ROR1: variants seen among roughly 807,000 people sequenced by gnomAD.
The protein encoded by ROR1 is ROR family WNT receptor 1, also known as inactive tyrosine-protein kinase transmembrane receptor ROR1.
Under a neutral mutation model 78.8 loss-of-function variants are expected in ROR1, and 19 were observed. The ratio of observed to expected loss-of-function variants is 0.24; its 90% CI spans 0.17 to 0.35. The LOEUF is 0.35. ROR1 is among the 10% of genes least tolerant of loss of function. The pLI is 1.00. For synonymous variants in ROR1, 386 were observed against 433.6 expected (o/e 0.89, Z 1.36); for missense variants, 917 against 1,177.8 (o/e 0.78, Z 3.24).
At chr1:64,092,649 T>C (rs1647209494) in intron 4 of ROR1, among the ~76,000 whole-genome samples, 1 of 152,206 alleles carries the variant, frequency 6.6e-6, no homozygotes, top group Non-Finnish European at 1.5e-5. Flanking sequence ...TTAAGCTTTC[T>C]GCTAGAAAAC....
intron 4 of ROR1, chr1:64,112,072 A>T (rs192478611): frequency 3.3e-5 from 5 of 152,274 alleles, no homozygotes; most frequent in Admixed American, 2.0e-4. Context: ...GGTGTCTTAC[A>T]TGAATGGGAG....
chr1:64,135,772 A>G (rs764071494), intron 4 of ROR1, among the ~76,000 whole-genome samples: 2 of 152,216 alleles, frequency 1.3e-5, no homozygotes, highest in Non-Finnish European at 2.9e-5. Context: ...TATATGATAT[A>G]TTCATTTGTA....
At chr1:63,778,779 G>C (rs962118928) in intron 1 of ROR1, among the ~76,000 whole-genome samples, 21 of 152,142 alleles carry the variant, frequency 1.4e-4, no homozygotes, top group Admixed American at 2.0e-4. Flanking sequence ...GTAAACTTAG[G>C]CACAGAGAGG....
intron 4 of ROR1, among the ~76,000 whole-genome samples, chr1:64,054,939 C>A (rs1646862429): frequency 6.6e-6 from 1 of 152,184 alleles, no homozygotes; most frequent in Non-Finnish European, 1.5e-5. Context: ...ATCTCCCCAA[C>A]CTCTGCCTTG....
At chr1:64,066,418 C>T (rs866449309) in intron 4 of ROR1, among the ~76,000 whole-genome samples, 3 of 151,620 alleles carry the variant, frequency 2.0e-5, no homozygotes, top group Non-Finnish European at 4.4e-5. Context: ...CCCAAGTTCA[C>T]GCCATTCTCC....
At chr1:64,175,655 C>T (rs1005252658) in intron 8 of ROR1, among the ~76,000 whole-genome samples, 2 of 152,150 alleles carry the variant, frequency 1.3e-5, no homozygotes, top group African/African-American at 4.8e-5. Context: ...AGTTTATTTG[C>T]ATAGAATAAT....
chr1:64,057,802 T>C (rs1448178592), intron 4 of ROR1, among the ~76,000 whole-genome samples: 1 of 152,184 alleles, frequency 6.6e-6, no homozygotes, highest in Non-Finnish European at 1.5e-5. Flanking sequence ...TTCAAGACTT[T>C]TGTTGTTGTT....
intron 7 of ROR1, among the ~76,000 whole-genome samples, chr1:64,155,497 A>G (rs993982412): frequency 1.3e-5 from 2 of 152,162 alleles, no homozygotes; most frequent in Admixed American, 6.5e-5. Flanking sequence ...GCTTGTTAGC[A>G]TATCCTCAGT....
chr1:64,164,790 C>A (rs968024053), intron 8 of ROR1, among the ~76,000 whole-genome samples: 4 of 152,112 alleles, frequency 2.6e-5, no homozygotes, highest in African/African-American at 9.7e-5. Context: ...TGTGTTGTTC[C>A]CCTCTGTGTG....
chr1:63,911,896 A>G (rs1645573333), intron 1 of ROR1, among the ~76,000 whole-genome samples: 1 of 152,124 alleles, frequency 6.6e-6, no homozygotes, highest in Non-Finnish European at 1.5e-5. Context: ...CGTGAAAATG[A>G]CAGTGGATTT....
chr1:64,018,444 CAAG>C (rs892294315), intron 2 of ROR1, among the ~76,000 whole-genome samples: 28 of 152,274 alleles, frequency 1.8e-4, no homozygotes, highest in South Asian at 2.1e-4. Context: ...TCACCACTTC[CAAG>C]AAGACTTCCC....
At chr1:64,041,253 A>T (rs888824326) in intron 2 of ROR1, among the ~76,000 whole-genome samples, 2 of 152,170 alleles carry the variant, frequency 1.3e-5, no homozygotes, top group African/African-American at 4.8e-5. Flanking sequence ...GCCTGATAGA[A>T]TCAGTGCCTA....
intron 1 of ROR1, among the ~76,000 whole-genome samples, chr1:63,963,240 T>A (rs1216113251): frequency 6.6e-6 from 1 of 152,014 alleles, no homozygotes; most frequent in Non-Finnish European, 1.5e-5. Context: ...AAGAGTGCTA[T>A]TTTTTTTCTC....
intron 1 of ROR1, among the ~76,000 whole-genome samples, chr1:63,795,862 G>A (rs1644756771): frequency 6.6e-6 from 1 of 152,158 alleles, no homozygotes; most frequent in Non-Finnish European, 1.5e-5. Flanking sequence ...AATGCCATTA[G>A]GGGAAACTTA....
intron 1 of ROR1, among the ~76,000 whole-genome samples, chr1:63,791,249 T>C (rs1644724218): frequency 6.6e-6 from 1 of 151,628 alleles, no homozygotes; most frequent in Non-Finnish European, 1.5e-5. Flanking sequence ...ACAGTGAGAG[T>C]CTGGGCACAG....
Position 63,975,623 on chromosome 1 carries a change from C to T in ROR1, c.92-33682C>T, listed in dbSNP as rs925075737. On this transcript the variant is annotated intron_variant, in intron 1 of 8. Transcript: ENST00000371079. ...GGATGCTGAAATTGCTGAACACACA[C>T]GAAGCGGTGCCACAGTGTCCCCACC... 2.6e-5 allele frequency among the ~76,000 whole-genome samples: 4 copies of T among 152,260 alleles called. No homozygotes were observed. The East Asian group carries it at 5.8e-4, about 22-fold the overall frequency.
intron 1 of ROR1, among the ~76,000 whole-genome samples, chr1:63,985,897 TC>T (rs781012219): frequency 4.6e-5 from 7 of 152,074 alleles, no homozygotes; most frequent in Non-Finnish European, 1.5e-5. Context: ...CTAAAACACT[TC>T]TAATTGCAAG....
At chr1:63,977,963 T>A (rs1307820501) in intron 1 of ROR1, among the ~76,000 whole-genome samples, 1 of 152,170 alleles carries the variant, frequency 6.6e-6, no homozygotes, top group Non-Finnish European at 1.5e-5. Context: ...CCAATTTTGT[T>A]GATCACGATA....
In ROR1 at chr1:64,180,949, A is replaced by C. The variant is rs1459234244; in HGVS notation, c.*2094A>C. 3.3e-5 allele frequency: 5 copies of C among 152,142 alleles called. No individual in the cohort carries two copies. Among genetic ancestry groups the C allele is most frequent in the African/African-American group, 9.6e-5 (4 of 41,456 alleles). 9.4% of individuals were successfully genotyped at this position (152,142 alleles called of 1,614,324 possible). ...ATTTTATAATAACTGAAAACATTAAAGTGAGCAAATGAAATTTCAAAACCA... is the reference window on the plus strand; with the variant it reads ...ATTTTATAATAACTGAAAACATTAACGTGAGCAAATGAAATTTCAAAACCA... On this transcript the variant is annotated 3_prime_UTR_variant, in exon 9 of 9. Transcript: ENST00000371079.
Sources: gnomAD v4.1 joint callset for allele counts (sites outside exome capture counted in the v4.1 genomes callset) on GRCh38, gnomAD v4.1.1 for gene constraint, MANE v1.5 for transcripts, NCBI Gene and HGNC (gene_info 2026-07-23, HGNC 2026-07-21) for gene names.